The following PRKG1 variants were observed in gnomAD, a reference collection of about 807,000 sequenced individuals.
The protein encoded by PRKG1 is cGMP-dependent protein kinase 1.
Under a neutral mutation model 88.1 loss-of-function variants are expected in PRKG1, and 35 were observed. That is an observed-to-expected ratio of 0.40 (90% CI 0.30 to 0.53). PRKG1 has a LOEUF of 0.53. Among genes scored for constraint, PRKG1 ranks in the 20% least tolerant of loss-of-function variants. The pLI is 0.59. For missense variants in PRKG1, 540 were observed against 839.8 expected, an observed-to-expected ratio of 0.64 and a Z score of 4.41; for synonymous variants, 303 against 292.5, an observed-to-expected ratio of 1.04 and a Z score of -0.37.
At chr10:51,337,674 GA>G (rs1480757265) in intron 2 of PRKG1, among the ~76,000 whole-genome samples, 1 of 152,170 alleles carries the variant, frequency 6.6e-6, no homozygotes, top group Admixed American at 6.5e-5. Flanking sequence ...GATCATTAGA[GA>G]AATGCAAATC....
intron 2 of PRKG1, among the ~76,000 whole-genome samples, chr10:51,345,140 T>C (rs1282726154): frequency 1.3e-5 from 2 of 152,180 alleles, no homozygotes; most frequent in Non-Finnish European, 2.9e-5. Flanking sequence ...TTAAAATATG[T>C]GAAATCTTAG....
intron 3 of PRKG1, among the ~76,000 whole-genome samples, chr10:51,498,380 T>G (rs908012953): frequency 6.6e-6 from 1 of 152,218 alleles, no homozygotes; most frequent in South Asian, 2.1e-4. Flanking sequence ...CTAGCTATGT[T>G]TACATTTCTC....
chr10:52,191,063 G>C (rs1589688228), intron 9 of PRKG1, among the ~76,000 whole-genome samples: 1 of 152,078 alleles, frequency 6.6e-6, no homozygotes, highest in Non-Finnish European at 1.5e-5. Flanking sequence ...GTTTGATTCA[G>C]GATCAAAAGA....
chr10:51,355,987 T>A (rs1223856577), intron 2 of PRKG1, among the ~76,000 whole-genome samples: 1 of 152,062 alleles, frequency 6.6e-6, no homozygotes, highest in African/African-American at 2.4e-5. Context: ...TTAGCACTTC[T>A]TTATATAGAC....
intron 2 of PRKG1, among the ~76,000 whole-genome samples, chr10:51,213,910 T>A (rs73337536): frequency 6.6e-6 from 1 of 152,162 alleles, no homozygotes; most frequent in East Asian, 1.9e-4. Context: ...TGAAGATTTA[T>A]CCATAAGATT....
intron 2 of PRKG1, among the ~76,000 whole-genome samples, chr10:51,221,456 C>G (rs1015675118): frequency 1.3e-5 from 2 of 151,610 alleles, no homozygotes; most frequent in Non-Finnish European, 2.9e-5. Context: ...GTATAAGTTC[C>G]AAGAATTATA....
At chr10:50,999,395 G>A (rs1241554187) in intron 1 of PRKG1, among the ~76,000 whole-genome samples, 4 of 152,166 alleles carry the variant, frequency 2.6e-5, no homozygotes, top group Non-Finnish European at 5.9e-5. Context: ...AGCTTGTTAG[G>A]ATTTAGTTTG....
chr10:51,254,103 A>T (rs1031736839), intron 2 of PRKG1, among the ~76,000 whole-genome samples: 2 of 151,998 alleles, frequency 1.3e-5, no homozygotes, highest in Non-Finnish European at 2.9e-5. Context: ...ACACATACAC[A>T]CACACTATAT....
rs142674425 is a variant in PRKG1 at position 51,950,016 on chromosome 10, C to T, written c.762+42446C>T. ...GCTGCTACAGTCTTTATTGAGCTTC[C>T]TGTCACCAAAGGCATTTTAGCAATT... On this transcript the variant is annotated intron_variant, in intron 5 of 17. Transcript: ENST00000373980. 4.3e-3 allele frequency among the ~76,000 whole-genome samples: 649 copies of T among 152,264 alleles called. 6 individuals carry two copies. The highest frequency in any genetic ancestry group is 0.015 in the African/African-American group (619 of 41,556).
intron 12 of PRKG1, 47 bp from the exon 13 acceptor site, chr10:52,280,742 C>T: frequency 6.3e-7 from 1 of 1,577,614 alleles, no homozygotes; most frequent in Non-Finnish European, 8.6e-7. Flanking sequence ...AGCCATATTA[C>T]AGAAATTAAT....
At chr10:51,902,260 G>A (rs1485963786) in intron 4 of PRKG1, among the ~76,000 whole-genome samples, 1 of 151,924 alleles carries the variant, frequency 6.6e-6, no homozygotes, top group Non-Finnish European at 1.5e-5. Flanking sequence ...GGGATTACAG[G>A]CATGTGCCAC....
intron 13 of PRKG1, among the ~76,000 whole-genome samples, chr10:52,281,586 G>C (rs918914078): frequency 6.6e-6 from 1 of 151,962 alleles, no homozygotes; most frequent in Admixed American, 6.6e-5. Flanking sequence ...TTCTGCAGTC[G>C]ACACTCTTCC....
At chr10:51,702,614 A>T (rs1282904021) in intron 3 of PRKG1, among the ~76,000 whole-genome samples, 1 of 152,204 alleles carries the variant, frequency 6.6e-6, no homozygotes, top group Non-Finnish European at 1.5e-5. Flanking sequence ...GACTGATTTC[A>T]AACACACAAG....
At chr10:52,046,176 G>A (rs1373276580) in intron 5 of PRKG1, among the ~76,000 whole-genome samples, 1 of 152,086 alleles carries the variant, frequency 6.6e-6, no homozygotes, top group African/African-American at 2.4e-5. Flanking sequence ...GAGGTTGAAG[G>A]TCACTGGGTT....
At chr10:51,110,446 A>G (rs1397127443) in intron 1 of PRKG1, among the ~76,000 whole-genome samples, 1 of 152,150 alleles carries the variant, frequency 6.6e-6, no homozygotes, top group Non-Finnish European at 1.5e-5. Context: ...AAAAGAATAT[A>G]TACTGTTTAA....
intron 2 of PRKG1, among the ~76,000 whole-genome samples, chr10:51,209,729 A>G (rs1051170078): frequency 1.6e-4 from 25 of 152,298 alleles, no homozygotes; most frequent in African/African-American, 5.3e-4. Context: ...CAAAACACAA[A>G]TTAGTATACA....
In PRKG1 at chr10:51,594,968, A is replaced by C. The variant is rs189506694; in HGVS notation, c.592+127132A>C. Among the ~76,000 whole-genome samples, 415 of 152,332 alleles carry C rather than the reference A, an allele frequency of 2.7e-3. 3 individuals are homozygous for C. Among genetic ancestry groups the C allele is most frequent in the African/African-American group, 9.4e-3 (392 of 41,576 alleles). On this transcript the variant is annotated intron_variant, in intron 3 of 17. Transcript: ENST00000373980. ...AGTGATCTTATATTAAGGGTCTTTC[A>C]GTTTTTAAATGATTTAGAGTTATGA...
chr10:52,270,998 G>T (rs1294132623), intron 10 of PRKG1, among the ~76,000 whole-genome samples: 1 of 151,996 alleles, frequency 6.6e-6, no homozygotes, highest in Non-Finnish European at 1.5e-5. Flanking sequence ...AATTGGAAAA[G>T]AAGTTTTTTT....
At chr10:51,971,213 A>G (rs190703217) in intron 5 of PRKG1, among the ~76,000 whole-genome samples, 2 of 152,120 alleles carry the variant, frequency 1.3e-5, no homozygotes, top group Admixed American at 1.3e-4. Flanking sequence ...AGGATTTGGC[A>G]ATACTCTATT....
Sources: gnomAD v4.1 joint callset for allele counts (sites outside exome capture counted in the v4.1 genomes callset) on GRCh38, gnomAD v4.1.1 for gene constraint, MANE v1.5 for transcripts, NCBI Gene and HGNC (gene_info 2026-07-23, HGNC 2026-07-21) for gene names.